Variants in PRKG1 observed in about 807,000 individuals in gnomAD.
PRKG1 encodes protein kinase cGMP-dependent 1.
In PRKG1, 35 loss-of-function variants were observed where a neutral mutation model predicts 88.1. The ratio of observed to expected loss-of-function variants is 0.40; its 90% CI spans 0.30 to 0.53. The LOEUF (loss-of-function observed/expected upper bound fraction) is 0.53. Among genes scored for constraint, PRKG1 ranks in the 20% least tolerant of loss-of-function variants. The pLI, the probability that PRKG1 is intolerant of heterozygous loss-of-function variation, is 0.59. For missense variants in PRKG1, 540 were observed against 839.8 expected, an observed-to-expected ratio of 0.64 and a Z score of 4.41; for synonymous variants, 303 against 292.5, an observed-to-expected ratio of 1.04 and a Z score of -0.37.
intron 3 of PRKG1, among the ~76,000 whole-genome samples, chr10:51,488,743 A>T (rs1840616889): frequency 6.6e-6 from 1 of 152,180 alleles, no homozygotes; most frequent in Non-Finnish European, 1.5e-5. Flanking sequence ...AAAACTATTT[A>T]ACTGGGAGCC....
At chr10:51,079,266 T>C (rs1029857094) in intron 1 of PRKG1, among the ~76,000 whole-genome samples, 42 of 152,282 alleles carry the variant, frequency 2.8e-4, no homozygotes, top group African/African-American at 8.4e-4. Context: ...GTAAATATTC[T>C]AGAAAGTAGA....
chr10:51,159,957 AT>A (rs1179297739), intron 2 of PRKG1, among the ~76,000 whole-genome samples: 7 of 105,738 alleles, frequency 6.6e-5, no homozygotes, highest in Non-Finnish European at 1.3e-4. Context: ...GGGCAGCCTG[AT>A]GGTGATGGCA....
At chr10:51,968,809 CA>C (rs1254361042) in intron 5 of PRKG1, among the ~76,000 whole-genome samples, 1 of 99,402 alleles carries the variant, frequency 1.0e-5, no homozygotes, top group African/African-American at 3.5e-5. Context: ...AGCGACAGAG[CA>C]AAACTCCATC....
Position 51,630,948 on chromosome 10 carries a change from C to T in PRKG1, c.592+163112C>T, listed in dbSNP as rs538447760. ...TGATTTCTTCTGTTCTTTGTGTTCA[C>T]GTGTTTTTCTATTGAAAAACTCCAA... On this transcript the variant is annotated intron_variant, in intron 3 of 17. Coordinates refer to ENST00000373980, the MANE Select transcript of PRKG1 (RefSeq NM_006258.4). Among the ~76,000 whole-genome samples the T allele has an allele frequency of 3.9e-5, 6 of 152,262 alleles. No individual in the cohort carries two copies. In the East Asian group the frequency reaches 9.6e-4, roughly 24 times the overall value.
intron 2 of PRKG1, among the ~76,000 whole-genome samples, chr10:51,316,159 G>A (rs890178036): frequency 6.6e-6 from 1 of 152,174 alleles, no homozygotes; most frequent in Non-Finnish European, 1.5e-5. Flanking sequence ...AAATCTAAGA[G>A]AGATTCTCTT....
chr10:52,052,431 A>AATAATAATG (rs1846010160), intron 5 of PRKG1, among the ~76,000 whole-genome samples: 1 of 151,332 alleles, frequency 6.6e-6, no homozygotes, highest in South Asian at 2.1e-4. Flanking sequence ...ATAAAATAAT[A>AATAATAATG]ATAATAATAA....
In PRKG1 at chr10:51,082,273, G is replaced by A. The variant is rs115976692; in HGVS notation, c.311+7372G>A. Reference sequence around the variant, plus strand: ...AAAGGGTCATGGGGATTAGGTAGCTGCAGGAAAACTTTATGAATAACATAT... The same window carrying A: ...AAAGGGTCATGGGGATTAGGTAGCTACAGGAAAACTTTATGAATAACATAT... On this transcript the variant is annotated intron_variant, in intron 1 of 17. Coordinates refer to ENST00000373980, the MANE Select transcript of PRKG1 (RefSeq NM_006258.4). Among the ~76,000 whole-genome samples the A allele has an allele frequency of 2.2e-3, 342 of 152,248 alleles. 1 individual carries two copies. The highest frequency in any genetic ancestry group is 7.8e-3 in the African/African-American group (323 of 41,544).
chr10:51,319,201 A>G (rs1841393574), intron 2 of PRKG1, among the ~76,000 whole-genome samples: 1 of 152,168 alleles, frequency 6.6e-6, no homozygotes, highest in Non-Finnish European at 1.5e-5. Flanking sequence ...CAGCTATTAC[A>G]AACTAGTTAA....
intron 9 of PRKG1, among the ~76,000 whole-genome samples, chr10:52,167,429 A>G (rs1838514490): frequency 6.6e-6 from 1 of 152,150 alleles, no homozygotes; most frequent in Non-Finnish European, 1.5e-5. Context: ...AGATTTAGAC[A>G]GGACAAATAT....
intron 3 of PRKG1, among the ~76,000 whole-genome samples, chr10:51,753,555 A>G (rs1275739995): frequency 6.6e-6 from 1 of 152,190 alleles, no homozygotes; most frequent in African/African-American, 2.4e-5. Flanking sequence ...GACTGGCCTT[A>G]TCATTAAATT....
In PRKG1 at chr10:52,297,420, A is replaced by G. The variant is rs751715413; in HGVS notation, c.*3520A>G. 1.3e-5 allele frequency: 2 copies of G among 152,198 alleles called. No homozygotes were observed. Among genetic ancestry groups the G allele is most frequent in the African/African-American group, 2.4e-5 (1 of 41,556 alleles). 9.4% of individuals were successfully genotyped at this position (152,198 alleles called of 1,614,324 possible). A position where few individuals can be genotyped will look rare whatever the true frequency, so the allele number is the denominator to read the frequency against. ...GGTGTTATGCTGCATGACAAAGACAAACACACCTCAAAATGTTGTCCTTTC... is the reference window on the plus strand; with the variant it reads ...GGTGTTATGCTGCATGACAAAGACAGACACACCTCAAAATGTTGTCCTTTC... On this transcript the variant is annotated 3_prime_UTR_variant, in exon 18 of 18. Transcript: ENST00000373980.
intron 3 of PRKG1, among the ~76,000 whole-genome samples, chr10:51,547,084 C>T (rs1267225201): frequency 6.6e-6 from 1 of 151,974 alleles, no homozygotes; most frequent in Non-Finnish European, 1.5e-5. Flanking sequence ...ACCCTGAAAA[C>T]AAGAGCCTCA....
Position 51,103,486 on chromosome 10 carries a change from C to T in PRKG1, c.311+28585C>T, listed in dbSNP as rs529466266. ...AAATGAATTTCCCAACATAGAATTC[C>T]GAGCCCAATAAAATTGTCACTGATT... On this transcript the variant is annotated intron_variant, in intron 1 of 17. Transcript: ENST00000373980. 1.7e-4 allele frequency among the ~76,000 whole-genome samples: 26 copies of T among 152,242 alleles called. No homozygotes were observed. The South Asian group carries it at 3.3e-3, about 19-fold the overall frequency.
intron 2 of PRKG1, among the ~76,000 whole-genome samples, chr10:51,171,548 A>G (rs1298831874): frequency 6.6e-6 from 1 of 152,038 alleles, no homozygotes; most frequent in Non-Finnish European, 1.5e-5. Flanking sequence ...ATGGGAAGGG[A>G]AGAAAGATAA....
chr10:52,146,568 G>C (rs1007936465), intron 8 of PRKG1, among the ~76,000 whole-genome samples: 3 of 152,146 alleles, frequency 2.0e-5, no homozygotes, highest in African/African-American at 7.2e-5. Flanking sequence ...CAGCTTGTAA[G>C]TAAAGAAATG....
intron 5 of PRKG1, among the ~76,000 whole-genome samples, chr10:52,039,421 T>C (rs1358289107): frequency 6.6e-6 from 1 of 152,070 alleles, no homozygotes; most frequent in Non-Finnish European, 1.5e-5. Flanking sequence ...TACACTTCTT[T>C]TGTGGTGGAA....
At chr10:51,467,656 T>A in intron 2 of PRKG1, 67 bp from the exon 3 acceptor site, 1 of 1,338,586 alleles carries the variant, frequency 7.5e-7, no homozygotes, top group Non-Finnish European at 1.1e-6. Flanking sequence ...CCTCTTCACA[T>A]TAAAAATGCA....
At chr10:51,888,251 G>T (rs1350123069) in intron 4 of PRKG1, among the ~76,000 whole-genome samples, 1 of 152,172 alleles carries the variant, frequency 6.6e-6, no homozygotes, top group Non-Finnish European at 1.5e-5. Context: ...TCAGGGGAAT[G>T]TTGGCCAATA....
chr10:52,152,820 T>G (rs1837972470), intron 8 of PRKG1, among the ~76,000 whole-genome samples: 1 of 152,154 alleles, frequency 6.6e-6, no homozygotes, highest in East Asian at 1.9e-4. Flanking sequence ...TTTCAGATTA[T>G]TGAAGTTAGA....
Sources: gnomAD v4.1 joint callset for allele counts (sites outside exome capture counted in the v4.1 genomes callset) on GRCh38, gnomAD v4.1.1 for gene constraint, MANE v1.5 for transcripts, NCBI Gene and HGNC (gene_info 2026-07-23, HGNC 2026-07-21) for gene names.